Variants in YWHAQ observed in about 807,000 individuals in gnomAD.
YWHAQ encodes the protein 14-3-3 protein theta.
Under a neutral mutation model 28.3 loss-of-function variants are expected in YWHAQ, and 6 were observed. That is an observed-to-expected ratio of 0.21 (90% CI 0.12 to 0.42). The LOEUF (loss-of-function observed/expected upper bound fraction) is 0.42. Among genes scored for constraint, YWHAQ ranks in the 10% least tolerant of loss-of-function variants. The probability of loss-of-function intolerance (pLI) is 1.00; values close to 1 mark genes in which losing one functional copy is unlikely to be tolerated. For missense variants in YWHAQ, 201 were observed against 305.6 expected (o/e 0.66, Z 2.55); for synonymous variants, 143 against 119.1 (o/e 1.20, Z -1.31).
chr2:9,621,835 C>T (rs1280745294), intron 2 of YWHAQ, among the ~76,000 whole-genome samples: 2 of 152,160 alleles, frequency 1.3e-5, no homozygotes, highest in Non-Finnish European at 2.9e-5. Context: ...GGCATATATA[C>T]ACCATGGAAT....
In YWHAQ at chr2:9,630,024, A is replaced by G; in HGVS notation, c.294+135T>C. 8.7e-7 allele frequency: 1 copy of G among 1,155,832 alleles called. No homozygotes were observed. The highest frequency in any genetic ancestry group is 1.5e-5 in the South Asian group (1 of 65,864). The allele number at this position is 1,155,832 out of a possible 1,614,324, so 71.6% of individuals were successfully genotyped here. A position where few individuals can be genotyped will look rare whatever the true frequency, so the allele number is the denominator to read the frequency against. ...ACCGGAGGGACACAGTAGGGAAGTC[A>G]GGGCTCACCTAAAACCCTCCACCCC... is the stretch of plus-strand genomic sequence containing the variant. On this transcript the variant is annotated intron_variant, in intron 2 of 5. Transcript: ENST00000238081. The surrounding 1 kb of genome is among the most constrained non-coding windows in gnomAD (Gnocchi z 5.6).
In YWHAQ at chr2:9,584,299, C is replaced by G. The variant is rs1666303404; in HGVS notation, c.*987G>C. ...TAAAATGTACTTTTATTTTATGTTA[C>G]TCTGCTGTTACATAGGGCATAACAT... On this transcript the variant is annotated 3_prime_UTR_variant, in exon 6 of 6. Transcript: ENST00000238081. 6.6e-6 allele frequency: 1 copy of G among 152,612 alleles called. No individual in the cohort carries two copies. The highest frequency in any genetic ancestry group is 2.4e-5 in the African/African-American group (1 of 41,440). 9.5% of individuals were successfully genotyped at this position (152,612 alleles called of 1,614,324 possible). A position where few individuals can be genotyped will look rare whatever the true frequency, so the allele number is the denominator to read the frequency against.
rs974921123 is a variant in YWHAQ at position 9,630,768 on chromosome 2, C to T, written c.-83+173G>A. ...CCCGAGCCGCGGCCGCTCCCGCCAC[C>T]CCCGCCCGGCCGGCCCAAGATGGAA... On this transcript the variant is annotated intron_variant, in intron 1 of 5. Coordinates refer to ENST00000238081, the MANE Select transcript of YWHAQ (RefSeq NM_006826.4). The surrounding 1 kb of genome is among the most constrained non-coding windows in gnomAD (Gnocchi z 5.6). 1.3e-5 allele frequency: 2 copies of T among 151,288 alleles called. No individual in the cohort carries two copies. Among genetic ancestry groups the T allele is most frequent in the Non-Finnish European group, 2.9e-5 (2 of 68,050 alleles). The allele number at this position is 151,288 out of a possible 1,614,324, so 9.4% of individuals were successfully genotyped here.
At chr2:9,612,637 C>T (rs1455904158) in intron 2 of YWHAQ, among the ~76,000 whole-genome samples, 1 of 152,116 alleles carries the variant, frequency 6.6e-6, no homozygotes, top group Non-Finnish European at 1.5e-5. Context: ...AGGTGCCTCC[C>T]AAAAACCTAA....
chr2:9,606,820 T>C (rs552308637), intron 2 of YWHAQ, among the ~76,000 whole-genome samples: 50 of 152,340 alleles, frequency 3.3e-4, no homozygotes, highest in African/African-American at 1.0e-3. Context: ...GTTCATTTTT[T>C]AGCTGTCTCT....
At chr2:9,590,720 T>A (rs1160716979) in intron 3 of YWHAQ, among the ~76,000 whole-genome samples, 6 of 148,114 alleles carry the variant, frequency 4.1e-5, no homozygotes, top group African/African-American at 1.5e-4. Context: ...TAGTCTAGGT[T>A]AAAAAAAAAA....
At chr2:9,590,027 T>G (rs1394148319) in intron 3 of YWHAQ, among the ~76,000 whole-genome samples, 2 of 152,192 alleles carry the variant, frequency 1.3e-5, no homozygotes, top group Non-Finnish European at 2.9e-5. Flanking sequence ...CCACATGCAA[T>G]AAGAAGTTCT....
intron 2 of YWHAQ, among the ~76,000 whole-genome samples, chr2:9,602,859 A>ATT (rs1666737123): frequency 1.4e-4 from 2 of 13,946 alleles, no homozygotes; most frequent in African/African-American, 5.8e-4. Flanking sequence ...AAAAAAAAAA[A>ATT]AAAATATATA....
intron 3 of YWHAQ, 87 bp downstream of exon 3, chr2:9,591,305 A>G (rs1203373238): frequency 3.5e-6 from 5 of 1,427,754 alleles, no homozygotes; most frequent in Non-Finnish European, 4.7e-6. Context: ...AAAGAGCCTG[A>G]AGACTACGTA....
chr2:9,602,688 C>G (rs1000406998), intron 2 of YWHAQ, among the ~76,000 whole-genome samples: 1 of 150,920 alleles, frequency 6.6e-6, no homozygotes, highest in Non-Finnish European at 1.5e-5. Flanking sequence ...CAGGCTACCA[C>G]GCCCAGCTAA....
intron 2 of YWHAQ, among the ~76,000 whole-genome samples, chr2:9,598,144 T>C (rs1466182120): frequency 6.6e-6 from 1 of 152,052 alleles, no homozygotes; most frequent in African/African-American, 2.4e-5. Flanking sequence ...AAGCAAACCT[T>C]ATAACCAATG....
rs1475802146 is a variant in YWHAQ at position 9,630,693 on chromosome 2, C to A, written c.-82-159G>T. 1.8e-5 allele frequency: 5 copies of A among 270,960 alleles called. No individual in the cohort carries two copies. The highest frequency in any genetic ancestry group is 3.4e-5 in the Non-Finnish European group (5 of 146,552). 16.8% of individuals were successfully genotyped at this position (270,960 alleles called of 1,614,324 possible). A position where few individuals can be genotyped will look rare whatever the true frequency, so the allele number is the denominator to read the frequency against. On this transcript the variant is annotated intron_variant, in intron 1 of 5. Coordinates refer to ENST00000238081, the MANE Select transcript of YWHAQ (RefSeq NM_006826.4). This position sits in a 1 kb window ranked among gnomAD's most constrained non-coding sequence, Gnocchi z 5.6. ...CGCTGGGCACCCGGGGAGGCCGCGG[C>A]CCGCGGCTGGAGGAGGCGGGGGCGG...
In YWHAQ at chr2:9,630,108, T is replaced by G. The variant is rs368778993; in HGVS notation, c.294+51A>C. 5.1e-6 allele frequency: 8 copies of G among 1,566,712 alleles called. No individual in the cohort carries two copies. Among genetic ancestry groups the G allele is most frequent in the African/African-American group, 1.4e-5 (1 of 73,848 alleles). ...GTTTCCGTGCCCGCGAAACTCTCAATGAAAAGCATCTCACAAAAGGCCTCC... is the reference window on the plus strand; with the variant it reads ...GTTTCCGTGCCCGCGAAACTCTCAAGGAAAAGCATCTCACAAAAGGCCTCC... On this transcript the variant is annotated intron_variant, in intron 2 of 5. Transcript: ENST00000238081. The surrounding 1 kb of genome is among the most constrained non-coding windows in gnomAD (Gnocchi z 5.6).
At chr2:9,621,546 T>C (rs962758025) in intron 2 of YWHAQ, among the ~76,000 whole-genome samples, 2 of 152,138 alleles carry the variant, frequency 1.3e-5, no homozygotes, top group Non-Finnish European at 2.9e-5. Context: ...CAGATACCCA[T>C]ACATTTCTAG....
intron 5 of YWHAQ, among the ~76,000 whole-genome samples, chr2:9,585,912 C>CA (rs34640890): frequency 0.031 from 3,782 of 122,024 alleles, 126 homozygotes; most frequent in East Asian, 0.085. Context: ...GATCCTTTCT[C>CA]AAAAAAAAAA....
intron 2 of YWHAQ, among the ~76,000 whole-genome samples, chr2:9,602,858 A>AT (rs1558545207): frequency 1.9e-3 from 23 of 11,964 alleles, no homozygotes; most frequent in Non-Finnish European, 3.8e-3. Context: ...AAAAAAAAAA[A>AT]AAAAATATAT....
chr2:9,629,517 T>TTTAAACACTA (rs1667313223), intron 2 of YWHAQ, among the ~76,000 whole-genome samples: 1 of 152,186 alleles, frequency 6.6e-6, no homozygotes, highest in Admixed American at 6.5e-5. Context: ...TCAACACTAG[T>TTTAAACACTA]GTTTAAGCAC....
chr2:9,628,102 A>G (rs1266956788), intron 2 of YWHAQ, among the ~76,000 whole-genome samples: 1 of 152,262 alleles, frequency 6.6e-6, no homozygotes, highest in Non-Finnish European at 1.5e-5. Context: ...CTCAGAGCAC[A>G]GTGCCTGGCA....
intron 2 of YWHAQ, among the ~76,000 whole-genome samples, chr2:9,597,693 A>C (rs1304736680): frequency 6.6e-6 from 1 of 151,784 alleles, no homozygotes; most frequent in African/African-American, 2.4e-5. Context: ...GAATCCAAGA[A>C]TGATGAATCA....
Sources: allele counts gnomAD v4.1 joint callset (sites outside exome capture counted in the v4.1 genomes callset), GRCh38; gene constraint gnomAD v4.1.1; non-coding constraint Gnocchi (gnomAD v3.1); transcripts MANE v1.5; gene names NCBI Gene and HGNC (gene_info 2026-07-23, HGNC 2026-07-21).